The following NCOA2 variants were observed in gnomAD, a reference collection of about 807,000 sequenced individuals.
The protein encoded by NCOA2 is nuclear receptor coactivator 2, also known as class E basic helix-loop-helix protein 75.
Under a neutral mutation model 145.1 loss-of-function variants are expected in NCOA2, and 21 were observed. That is an observed-to-expected ratio of 0.14 (90% CI 0.10 to 0.21). The LOEUF is 0.21. Ranked by LOEUF, NCOA2 falls within the 10% of genes least tolerant of loss-of-function variation. The pLI, the probability that NCOA2 is intolerant of heterozygous loss-of-function variation, is 1.00. For missense variants in NCOA2, 1,472 were observed against 1,837.6 expected, an observed-to-expected ratio of 0.80 and a Z score of 3.64; for synonymous variants, 619 against 637.5, an observed-to-expected ratio of 0.97 and a Z score of 0.44.
the NCOA2 span, among the ~76,000 whole-genome samples, chr8:70,427,498 T>C: frequency 6.6e-6 from 1 of 152,224 alleles, no homozygotes; most frequent in Non-Finnish European, 1.5e-5. Context: ...GATTATCTAT[T>C]GGTCAGCGAA....
At chr8:70,260,537 G>A (rs975156594) in intron 2 of NCOA2, among the ~76,000 whole-genome samples, 2 of 152,164 alleles carry the variant, frequency 1.3e-5, no homozygotes, top group Non-Finnish European at 2.9e-5. Flanking sequence ...TGAGGATGAA[G>A]GGTCTATCTA....
At chr8:70,300,218 T>C (rs562334888) in intron 1 of NCOA2, among the ~76,000 whole-genome samples, 2 of 152,252 alleles carry the variant, frequency 1.3e-5, no homozygotes, top group South Asian at 2.1e-4. Context: ...CTAAAGAAGA[T>C]GAATAACAGA....
chr8:70,419,374 T>C, the NCOA2 span, among the ~76,000 whole-genome samples: 1 of 152,184 alleles, frequency 6.6e-6, no homozygotes, highest in Admixed American at 6.5e-5. Context: ...ATAGTATCTA[T>C]TTTTAAGTAC....
Position 70,314,180 on chromosome 8 carries a change from C to CAAAAA in NCOA2, c.-76-17385_-76-17381dup, listed in dbSNP as rs61028027. Among the ~76,000 whole-genome samples the CAAAAA allele has an allele frequency of 1.4e-3, 24 of 17,200 alleles. 2 individuals are homozygous for CAAAAA. The highest frequency in any genetic ancestry group is 2.2e-3 in the Admixed American group (2 of 908). The allele number at this position is 17,200 out of a possible 152,430, so 11.3% of individuals were successfully genotyped here. On this transcript the variant is annotated intron_variant, in intron 1 of 22. Transcript: ENST00000452400. ...GGGCGACAGAGCAAGACTCTGACTC[C>CAAAAA]AAAAAAAAAAAAAAAAAAAAAAAAA...
intron 1 of NCOA2, among the ~76,000 whole-genome samples, chr8:70,363,619 A>G (rs1257089453): frequency 6.6e-6 from 1 of 152,198 alleles, no homozygotes; most frequent in Non-Finnish European, 1.5e-5. Flanking sequence ...AAAGGAATAA[A>G]CTACTCATAC....
At chr8:70,402,929 G>C (rs559041326) in intron 1 of NCOA2, among the ~76,000 whole-genome samples, 1 of 57,310 alleles carries the variant, frequency 1.7e-5, no homozygotes. Context: ...CGCGCCGCCC[G>C]CCCCGCCCGC....
chr8:70,145,065 T>C (rs1327712382), intron 12 of NCOA2, among the ~76,000 whole-genome samples: 4 of 152,226 alleles, frequency 2.6e-5, no homozygotes, highest in Admixed American at 1.3e-4. Context: ...CTTGACGATC[T>C]TGCAAAACAA....
At chr8:70,241,585 C>T (rs930700848) in intron 2 of NCOA2, among the ~76,000 whole-genome samples, 2 of 152,158 alleles carry the variant, frequency 1.3e-5, no homozygotes, top group African/African-American at 4.8e-5. Flanking sequence ...TTCATCCTGT[C>T]CTCATTCTAG....
chr8:70,182,180 G>A (rs1405022791), intron 4 of NCOA2, among the ~76,000 whole-genome samples: 1 of 152,192 alleles, frequency 6.6e-6, no homozygotes, highest in Admixed American at 6.5e-5. Context: ...GTCTCCTGCC[G>A]TGCATATTAA....
chr8:70,378,743 T>TAAAAAAAAAAAA (rs10672044), intron 1 of NCOA2, among the ~76,000 whole-genome samples: 1 of 109,846 alleles, frequency 9.1e-6, no homozygotes, highest in Non-Finnish European at 1.9e-5. Flanking sequence ...TAGGCTATGC[T>TAAAAAAAAAAAA]AAAAAAAAAA....
Position 70,156,912 on chromosome 8 carries a change from T to A in NCOA2, c.1453A>T (p.Met485Leu). The A allele has an allele frequency of 6.2e-7, 1 of 1,613,974 alleles. No homozygotes were observed. Among genetic ancestry groups the A allele is most frequent in the Non-Finnish European group, 8.5e-7 (1 of 1,179,896 alleles). The change falls in exon 11 of 23, where the codon ATG becomes TTG. Residue 485 changes from methionine (M) to leucine (L), a missense_variant. By Grantham distance (15) the Met-to-Leu change is conservative. Transcript: ENST00000452400. ...CTCATGCGATGCCTTGGTGAAAGCA[T>A]GGAGGTGGGCTGTCCTGGATTCATG... ...PGMNPGQPTS[M>L]LSPRHRMSPG...
chr8:70,386,681 A>G (rs1262708270), intron 1 of NCOA2, among the ~76,000 whole-genome samples: 1 of 152,232 alleles, frequency 6.6e-6, no homozygotes, highest in African/African-American at 2.4e-5. Flanking sequence ...AATCTTCCTT[A>G]GTGATAACCA....
chr8:70,357,678 T>G (rs950040088), intron 1 of NCOA2, among the ~76,000 whole-genome samples: 6 of 145,358 alleles, frequency 4.1e-5, no homozygotes, highest in African/African-American at 1.5e-4. Flanking sequence ...GAGGCGGAGC[T>G]TGCAGTGAAC....
the NCOA2 span, among the ~76,000 whole-genome samples, chr8:70,429,568 G>C: frequency 6.6e-6 from 1 of 152,160 alleles, no homozygotes; most frequent in East Asian, 1.9e-4. Context: ...TCCCAGAGTT[G>C]TGATGGTTGT....
At chr8:70,271,614 G>A (rs1022044722) in intron 2 of NCOA2, among the ~76,000 whole-genome samples, 1 of 152,184 alleles carries the variant, frequency 6.6e-6, no homozygotes, top group African/African-American at 2.4e-5. Context: ...GAGCTTACAT[G>A]TTAGTGCTTT....
At chr8:70,304,021 T>G (rs1827691816) in intron 1 of NCOA2, among the ~76,000 whole-genome samples, 1 of 152,188 alleles carries the variant, frequency 6.6e-6, no homozygotes, top group Non-Finnish European at 1.5e-5. Flanking sequence ...CATCTTCTCC[T>G]TAGCTTTTTT....
At chr8:70,374,385 T>C (rs985304045) in intron 1 of NCOA2, among the ~76,000 whole-genome samples, 7 of 151,722 alleles carry the variant, frequency 4.6e-5, no homozygotes, top group Admixed American at 3.9e-4. Context: ...GACAGGAGAA[T>C]TGCTTGAAGC....
intron 11 of NCOA2, among the ~76,000 whole-genome samples, chr8:70,155,614 A>G (rs914700881): frequency 2.0e-5 from 3 of 152,234 alleles, no homozygotes; most frequent in Non-Finnish European, 4.4e-5. Flanking sequence ...AGTGTCTATA[A>G]GCAATGTTTT....
Position 70,156,062 on chromosome 8 carries a change from C to G in NCOA2, c.2303G>C (p.Arg768Thr). 2 of 1,613,878 alleles carry G rather than the reference C, an allele frequency of 1.2e-6. No homozygotes were observed. The highest frequency in any genetic ancestry group is 1.7e-6 in the Non-Finnish European group (2 of 1,179,824). ...GGCAGGATCTGTCTTACTGTCCAGT[C>G]TCTCAAGTTTGGGGGTTATTTCTGG... Reference protein sequence around the residue: ...GLPEITPKLERLDSKTDPASN... With the variant: ...GLPEITPKLETLDSKTDPASN... Residue 768 changes from arginine (R) to threonine (T), a missense_variant, in exon 11 of 23, where the codon AGA becomes ACA. Physicochemically the swap from Arg to Thr is moderately conservative, Grantham distance 71. This residue lies in a region of NCOA2 where 953 missense variants were observed against 1,062.1 expected (regional missense o/e 0.90). Coordinates refer to ENST00000452400, the MANE Select transcript of NCOA2 (RefSeq NM_006540.4).
Sources: allele counts gnomAD v4.1 joint callset (sites outside exome capture counted in the v4.1 genomes callset), GRCh38; gene constraint gnomAD v4.1.1; regional missense constraint gnomAD v4.1.1; transcripts MANE v1.5; gene names NCBI Gene and HGNC (gene_info 2026-07-23, HGNC 2026-07-21).